Variants in TMEM134 observed in about 807,000 individuals in gnomAD.
The protein encoded by TMEM134 is transmembrane protein 134.
Under a neutral mutation model 26.2 loss-of-function variants are expected in TMEM134, and 36 were observed. The ratio of observed to expected loss-of-function variants is 1.37; its 90% CI spans 1.05 to 1.81. The LOEUF is 1.81. TMEM134 is among the 40% of genes most tolerant of loss of function. The pLI is 0.00. For missense variants in TMEM134, 339 were observed against 263.5 expected (o/e 1.29, Z -1.98); for synonymous variants, 133 against 113.6 (o/e 1.17, Z -1.08).
In TMEM134 at chr11:67,462,336, A is replaced by T. The variant is rs763363544; in HGVS notation, c.*2278T>A. On this transcript the variant is annotated 3_prime_UTR_variant, in exon 7 of 7. Coordinates refer to ENST00000308022, the MANE Select transcript of TMEM134 (RefSeq NM_025124.4). ...ATTTTATGTCTAATTAATCTGATAA[A>T]CTGTGGACTTGTATTCTGTATTTTT... 1 of 150,766 alleles carries T rather than the reference A, an allele frequency of 6.6e-6. No homozygotes were observed. The highest frequency in any genetic ancestry group is 2.1e-4 in the South Asian group (1 of 4,790). The allele number at this position is 150,766 out of a possible 1,614,324, so 9.3% of individuals were successfully genotyped here.
rs1057216834 is a variant in TMEM134, at chr11:67,469,037, C to A, written c.156G>T (p.Gln52His). The change falls in exon 1 of 7, where the codon CAG (glutamine) becomes CAT (histidine). Residue 52 changes from glutamine to histidine, a missense_variant. Transcript: ENST00000308022. ...GGTTCACCTGGTAGCGCAGCCGGGA[C>A]TGCTTGTCCTCGTCAGCCACCTCGA... is the stretch of plus-strand genomic sequence containing the variant. ...ARFEVADEDK[Q>H]SRLRYQNLEN... 3 of 1,512,834 alleles carry A rather than the reference C, an allele frequency of 2.0e-6. No individual in the cohort carries two copies. In the South Asian group the frequency reaches 3.6e-5, roughly 18 times the overall value. The allele number at this position is 1,512,834 out of a possible 1,614,324, so 93.7% of individuals were successfully genotyped here. A position where few individuals can be genotyped will look rare whatever the true frequency, so the allele number is the denominator to read the frequency against.
At position 67,463,881 on chromosome 11, in the gene TMEM134, T is replaced by TCCTATGC. The variant is rs1253670103; in HGVS notation, c.*726_*732dup. On this transcript the variant is annotated 3_prime_UTR_variant, in exon 7 of 7. Transcript: ENST00000308022. Reference sequence around the variant, plus strand: ...CTGAGGGTGTCTGTCAGGCGCGGCTTCCTATGCCCTCTGCCCCCAGGTTCT... The same window carrying TCCTATGC: ...CTGAGGGTGTCTGTCAGGCGCGGCTTCCTATGCCCTATGCCCTCTGCCCCCAGGTTCT... The TCCTATGC allele has an allele frequency of 6.6e-6, 1 of 152,436 alleles. No homozygotes were observed. The highest frequency in any genetic ancestry group is 1.5e-5 in the Non-Finnish European group (1 of 68,170). 9.4% of individuals were successfully genotyped at this position (152,436 alleles called of 1,614,324 possible). A position where few individuals can be genotyped will look rare whatever the true frequency, so the allele number is the denominator to read the frequency against.
Position 67,464,098 on chromosome 11 carries a change from G to C in TMEM134, c.*516C>G, listed in dbSNP as rs1244495651. 5.9e-6 allele frequency: 1 copy of C among 170,458 alleles called. No individual in the cohort carries two copies. Among genetic ancestry groups the C allele is most frequent in the Admixed American group, 5.6e-5 (1 of 17,934 alleles). 10.6% of individuals were successfully genotyped at this position (170,458 alleles called of 1,614,324 possible). A position where few individuals can be genotyped will look rare whatever the true frequency, so the allele number is the denominator to read the frequency against. On this transcript the variant is annotated 3_prime_UTR_variant, in exon 7 of 7. Coordinates refer to ENST00000308022, the MANE Select transcript of TMEM134 (RefSeq NM_025124.4). ...TCGGCCAGGGCCACCAGACAGAGAC[G>C]GGCTGGTTGAGTCATCCAAGGGCTG...
rs896497004 is a variant in TMEM134, at chr11:67,464,589, G to A, written c.*25C>T. On this transcript the variant is annotated 3_prime_UTR_variant, in exon 7 of 7. Coordinates refer to ENST00000308022, the MANE Select transcript of TMEM134 (RefSeq NM_025124.4). ...GGGCAAGAGGGGCGCCCCCATGGGC[G>A]CAAGGGGTCCACGCTGCGCCGCGAT... 4.5e-6 allele frequency: 7 copies of A among 1,550,434 alleles called. No individual in the cohort carries two copies. Among genetic ancestry groups the A allele is most frequent in the Non-Finnish European group, 6.1e-6 (7 of 1,145,960 alleles).
At chr11:67,467,421 G>A in intron 3 of TMEM134, 33 bp from the exon 4 acceptor site, 4 of 1,613,346 alleles carry the variant, frequency 2.5e-6, no homozygotes, top group Non-Finnish European at 3.4e-6. Context: ...GAATGTGAAG[G>A]AGGTGGAGGG....
At chr11:67,468,571 G>A (rs1865431967) in intron 1 of TMEM134, among the ~76,000 whole-genome samples, 1 of 152,236 alleles carries the variant, frequency 6.6e-6, no homozygotes, top group African/African-American at 2.4e-5. Context: ...CCAGCTCTTA[G>A]GGGTGGTGGT....
intron 4 of TMEM134, chr11:67,466,884 A>G (rs971695138): frequency 5.5e-5 from 12 of 218,662 alleles, no homozygotes; most frequent in African/African-American, 2.4e-4. Flanking sequence ...GCGGCTCTGC[A>G]CTGGCTGGGC....
In TMEM134 at chr11:67,467,343, C is replaced by G. The variant is rs537014891; in HGVS notation, c.375G>C (p.Leu125=). 141 of 1,613,870 alleles carry G rather than the reference C, an allele frequency of 8.7e-5. 3 individuals carry two copies. The South Asian group carries it at 1.5e-3, about 17-fold the overall frequency. ...CCAGCAGCAGGAGCAGGAAGGAGGC[C>G]AGCACCACTCGGCGGTTCTTCTGGA... ...PLIQKNRRVV[L]ASFLLLLLGL... The change falls in exon 4 of 7, where the codon CTG becomes CTC. Residue 125 remains leucine, a synonymous_variant. Transcript: ENST00000308022.
chr11:67,468,565 C>T (rs1238152635), intron 1 of TMEM134, among the ~76,000 whole-genome samples: 1 of 152,162 alleles, frequency 6.6e-6, no homozygotes, highest in Non-Finnish European at 1.5e-5. Flanking sequence ...GGAGCTCCAG[C>T]TCTTAGGGGT....
At chr11:67,467,624 G>A (rs1233389915) in intron 2 of TMEM134, 34 bp from the exon 3 acceptor site, 2 of 1,605,122 alleles carry the variant, frequency 1.2e-6, no homozygotes, top group Non-Finnish European at 1.7e-6. Flanking sequence ...GGGGCAGGGA[G>A]GCAAGGACGG....
chr11:67,463,903 T>C lies in TMEM134; in HGVS notation c.*711A>G, dbSNP rs558344398. On this transcript the variant is annotated 3_prime_UTR_variant, in exon 7 of 7. Coordinates refer to ENST00000308022, the MANE Select transcript of TMEM134 (RefSeq NM_025124.4). ...GCTTCCTATGCCCTCTGCCCCCAGG[T>C]TCTCCCAACCTCTGGGACTGGGAAG... 6.5e-5 allele frequency: 10 copies of C among 152,894 alleles called. No individual in the cohort carries two copies. The highest frequency in any genetic ancestry group is 5.9e-4 in the Admixed American group (9 of 15,348). 9.5% of individuals were successfully genotyped at this position (152,894 alleles called of 1,614,324 possible).
chr11:67,468,881 C>A (rs1865466256), intron 1 of TMEM134, 138 bp downstream of exon 1: 1 of 922,688 alleles, frequency 1.1e-6, no homozygotes, highest in Non-Finnish European at 1.5e-6. Flanking sequence ...TCAAGAGTCA[C>A]GTCCGCGGGG....
intron 1 of TMEM134, 131 bp downstream of exon 1, chr11:67,468,888 G>A: frequency 3.2e-6 from 3 of 945,164 alleles, no homozygotes; most frequent in South Asian, 2.5e-5. Context: ...TCACGTCCGC[G>A]GGGCGGGGGG....
chr11:67,468,145 C>A, intron 1 of TMEM134, 53 bp from the exon 2 acceptor site: 1 of 1,505,252 alleles, frequency 6.6e-7, no homozygotes, highest in Non-Finnish European at 9.1e-7. Flanking sequence ...CCCTTCCTCA[C>A]TCCCTCCCGG....
Position 67,464,803 on chromosome 11 carries a change from C to A in TMEM134, c.505G>T (p.Val169Phe). 1 of 1,607,806 alleles carries A rather than the reference C, an allele frequency of 6.2e-7. No homozygotes were observed. Among genetic ancestry groups the A allele is most frequent in the Admixed American group, 1.7e-5 (1 of 59,652 alleles). The change falls in exon 6 of 7, where the codon GTC becomes TTC. Residue 169 changes from valine to phenylalanine, a missense_variant and splice_region_variant. Physicochemically the swap from Val to Phe is conservative, Grantham distance 50 (BLOSUM62 -1). Coordinates refer to ENST00000308022, the MANE Select transcript of TMEM134 (RefSeq NM_025124.4). Reference protein sequence around the residue: ...VPGFLLLVPGVYHVIFIYCAV... With the variant: ...VPGFLLLVPGFYHVIFIYCAV... Reference sequence around the variant, plus strand: ...CTTCCGCCCCGGTGCCCGCTCGCACCTCCAGGCACCAACAACAGGAAGCCC... The same window carrying A: ...CTTCCGCCCCGGTGCCCGCTCGCACATCCAGGCACCAACAACAGGAAGCCC...
rs1487162502 is a variant in TMEM134 at position 67,462,461 on chromosome 11, C to T, written c.*2153G>A. The T allele has an allele frequency of 6.6e-6, 1 of 150,702 alleles. No homozygotes were observed. The highest frequency in any genetic ancestry group is 1.5e-5 in the Non-Finnish European group (1 of 67,842). 9.3% of individuals were successfully genotyped at this position (150,702 alleles called of 1,614,324 possible). A position where few individuals can be genotyped will look rare whatever the true frequency, so the allele number is the denominator to read the frequency against. On this transcript the variant is annotated 3_prime_UTR_variant, in exon 7 of 7. Coordinates refer to ENST00000308022, the MANE Select transcript of TMEM134 (RefSeq NM_025124.4). ...CTCTGCCTCCCGGGTTCAAGCGATT[C>T]TCCTGCCTCAGCCTCCTGAGTAGCT...
chr11:67,465,235 G>A lies in TMEM134; in HGVS notation c.407-135C>T, dbSNP rs944987157. The A allele has an allele frequency of 7.2e-6, 11 of 1,525,762 alleles. No individual in the cohort carries two copies. The African/African-American group carries it at 1.2e-4, about 17-fold the overall frequency. The allele number at this position is 1,525,762 out of a possible 1,614,324, so 94.5% of individuals were successfully genotyped here. ...AGACCCTCCCCAGGAAGCTCACCAAGCTCTGTTTCCAGAGCAAGGCACTGA... is the reference window on the plus strand; with the variant it reads ...AGACCCTCCCCAGGAAGCTCACCAAACTCTGTTTCCAGAGCAAGGCACTGA... On this transcript the variant is annotated intron_variant, in intron 4 of 6. Transcript: ENST00000308022.
In TMEM134 at chr11:67,467,605, GC is replaced by G. The variant is rs754760429; in HGVS notation, c.240-16del. The G allele has an allele frequency of 5.0e-6, 8 of 1,613,038 alleles. No individual in the cohort carries two copies. In the African/African-American group the frequency reaches 1.1e-4, roughly 22 times the overall value. ...GGCTGGAATCCCTGCCAGGACAGGCGCCCAGTGAGGGGCAGGGAGGCAAGGA... is the reference window on the plus strand; with the variant it reads ...GGCTGGAATCCCTGCCAGGACAGGCGCCAGTGAGGGGCAGGGAGGCAAGGA... On this transcript the variant is annotated splice_polypyrimidine_tract_variant and intron_variant, in intron 2 of 6. Transcript: ENST00000308022.
Position 67,465,382 on chromosome 11 carries a change from G to C in TMEM134, c.407-282C>G. On this transcript the variant is annotated intron_variant, in intron 4 of 6. Coordinates refer to ENST00000308022, the MANE Select transcript of TMEM134 (RefSeq NM_025124.4). ...TGCCTGGTACTGGGAATTCCGCCCT[G>C]AAGGGCAGATAAGGTCCCTGCCCTC... is the stretch of plus-strand genomic sequence containing the variant. 5 of 711,316 alleles carry C rather than the reference G, an allele frequency of 7.0e-6. No individual in the cohort carries two copies. The South Asian group carries it at 1.1e-4, about 15-fold the overall frequency. The allele number at this position is 711,316 out of a possible 1,614,324, so 44.1% of individuals were successfully genotyped here.
Sources: allele counts gnomAD v4.1 joint callset (sites outside exome capture counted in the v4.1 genomes callset), GRCh38; gene constraint gnomAD v4.1.1; transcripts MANE v1.5; gene names NCBI Gene and HGNC (gene_info 2026-07-23, HGNC 2026-07-21).